IFT88: variants seen among roughly 807,000 people sequenced by gnomAD.
IFT88 encodes intraflagellar transport protein 88 homolog.
IFT88 carries 74 observed loss-of-function variants against 119.5 expected under a neutral mutation model. The ratio of observed to expected loss-of-function variants is 0.62; its 90% CI spans 0.51 to 0.75. IFT88 has a LOEUF of 0.75. IFT88 is among the 30% of genes least tolerant of loss of function. The pLI, the probability that IFT88 is intolerant of heterozygous loss-of-function variation, is 0.00. For synonymous variants in IFT88, 279 were observed against 316.7 expected, an observed-to-expected ratio of 0.88 and a Z score of 1.26; for missense variants, 961 against 977.7, an observed-to-expected ratio of 0.98 and a Z score of 0.23.
chr13:20,589,611 A>G (rs1158963218), intron 3 of IFT88, among the ~76,000 whole-genome samples, 200 bp from the exon 4 acceptor site: 2 of 152,182 alleles, frequency 1.3e-5, no homozygotes, highest in African/African-American at 4.8e-5. Context: ...CTCCTTTAAA[A>G]TGAATTCCAG....
chr13:20,567,600 T>G, intron 1 of IFT88: 2 of 353,644 alleles, frequency 5.7e-6, no homozygotes, highest in Non-Finnish European at 8.1e-6. Context: ...AAAACCCAGT[T>G]AGATTACTGC....
intron 20 of IFT88, among the ~76,000 whole-genome samples, chr13:20,648,059 A>AAAGC (rs930604740): frequency 6.6e-6 from 1 of 152,156 alleles, no homozygotes; most frequent in African/African-American, 2.4e-5. Flanking sequence ...CTGAAATTTA[A>AAAGC]AAGCAAACAA....
At chr13:20,607,159 C>T (rs1045486669) in intron 13 of IFT88, 14 of 403,836 alleles carry the variant, frequency 3.5e-5, no homozygotes, top group Non-Finnish European at 6.0e-5. Context: ...TGGTACTGTA[C>T]GTGGGGCTCC....
intron 23 of IFT88, among the ~76,000 whole-genome samples, chr13:20,664,902 A>C (rs534198871): frequency 5.3e-5 from 8 of 151,992 alleles, no homozygotes; most frequent in Non-Finnish European, 1.2e-4. Flanking sequence ...ACACACTGAA[A>C]CTCTGTCTCT....
At chr13:20,622,299 G>A (rs1033766134) in intron 14 of IFT88, among the ~76,000 whole-genome samples, 3 of 152,202 alleles carry the variant, frequency 2.0e-5, no homozygotes, top group Admixed American at 6.5e-5. Flanking sequence ...CATCCATTGT[G>A]TAGGTTTTTG....
intron 2 of IFT88, among the ~76,000 whole-genome samples, chr13:20,581,626 A>G (rs2038669530): frequency 6.6e-6 from 1 of 152,122 alleles, no homozygotes; most frequent in Non-Finnish European, 1.5e-5. Context: ...TAGGAGGCTC[A>G]GGGGTGGATC....
In IFT88 at chr13:20,628,241, A is replaced by G. The variant is rs190064592; in HGVS notation, c.1299+2392A>G. Among the ~76,000 whole-genome samples, 22 of 152,222 alleles carry G rather than the reference A, an allele frequency of 1.4e-4. No individual in the cohort carries two copies. In the East Asian group the frequency reaches 3.5e-3, roughly 24 times the overall value. On this transcript the variant is annotated intron_variant, in intron 15 of 25. Coordinates refer to ENST00000351808, the MANE Select transcript of IFT88 (RefSeq NM_006531.5). Reference sequence around the variant, plus strand: ...GAAAAAGATGCTGAAATCACAGAGTATGGGTCTTTTTGATAATGATGGTGT... The same window carrying G: ...GAAAAAGATGCTGAAATCACAGAGTGTGGGTCTTTTTGATAATGATGGTGT...
Position 20,601,854 on chromosome 13 carries a change from G to A in IFT88, c.962G>A (p.Arg321Gln), listed in dbSNP as rs775253163. The A allele has an allele frequency of 5.6e-6, 9 of 1,612,794 alleles. No homozygotes were observed. The highest frequency in any genetic ancestry group is 4.4e-5 in the South Asian group (4 of 91,024). ...LTICYFAIGD[R>Q]EKMKKAFQKL... is the part of the protein sequence containing the mutation. ...ATCTGTTATTTTGCTATTGGAGACCGAGAAAAAATGAAGAAGGCATTCCAA... is the reference window on the plus strand; with the variant it reads ...ATCTGTTATTTTGCTATTGGAGACCAAGAAAAAATGAAGAAGGCATTCCAA... The change falls in exon 12 of 26, where the codon CGA (arginine) becomes CAA (glutamine). Residue 321 changes from arginine (R) to glutamine (Q), a missense_variant. Arg to Gln is a conservative substitution (Grantham distance 43, BLOSUM62 1). Coordinates refer to ENST00000351808, the MANE Select transcript of IFT88 (RefSeq NM_006531.5).
At chr13:20,588,735 T>G (rs1376821570) in intron 3 of IFT88, among the ~76,000 whole-genome samples, 1 of 152,236 alleles carries the variant, frequency 6.6e-6, no homozygotes, top group Non-Finnish European at 1.5e-5. Context: ...GATCTTATCT[T>G]TCACTGGAGA....
At chr13:20,591,710 T>G (rs969468505) in intron 6 of IFT88, 29 bp downstream of exon 6, 11 of 1,446,328 alleles carry the variant, frequency 7.6e-6, no homozygotes, top group Non-Finnish European at 1.1e-5. Context: ...ACTAATAATC[T>G]TTTTTGGATC....
intron 24 of IFT88, among the ~76,000 whole-genome samples, chr13:20,682,030 A>C (rs1398509540): frequency 1.3e-5 from 2 of 152,268 alleles, no homozygotes; most frequent in Non-Finnish European, 2.9e-5. Flanking sequence ...TATCAAGAAC[A>C]CCTACGAAAT....
chr13:20,590,223 C>T (rs1241921452), intron 4 of IFT88, among the ~76,000 whole-genome samples: 1 of 152,054 alleles, frequency 6.6e-6, no homozygotes, highest in Non-Finnish European at 1.5e-5. Context: ...GAAACATTTA[C>T]TAATTAACAA....
Position 20,592,330 on chromosome 13 carries a change from C to T in IFT88, c.329-5C>T, listed in dbSNP as rs749116069. 1 of 1,606,158 alleles carries T rather than the reference C, an allele frequency of 6.2e-7. No homozygotes were observed. The highest frequency in any genetic ancestry group is 1.7e-5 in the Admixed American group (1 of 58,128). ...TTGAATATTAACTCTTGAATTGTGTCTCAGGCTCTGCATTTGACCCCCTTA... is the reference window on the plus strand; with the variant it reads ...TTGAATATTAACTCTTGAATTGTGTTTCAGGCTCTGCATTTGACCCCCTTA... On this transcript the variant is annotated splice_region_variant and splice_polypyrimidine_tract_variant and intron_variant, in intron 6 of 25. Transcript: ENST00000351808.
At chr13:20,613,115 T>C (rs929926387) in intron 13 of IFT88, among the ~76,000 whole-genome samples, 2 of 152,190 alleles carry the variant, frequency 1.3e-5, no homozygotes, top group Admixed American at 6.5e-5. Context: ...TAAAAACTTA[T>C]GTACTTCAGA....
chr13:20,646,578 A>G (rs2050790457), intron 20 of IFT88, among the ~76,000 whole-genome samples: 1 of 152,096 alleles, frequency 6.6e-6, no homozygotes, highest in African/African-American at 2.4e-5. Context: ...TCAGCCTCCC[A>G]AAGTGCTGGG....
chr13:20,654,291 T>G (rs550536824), intron 21 of IFT88, among the ~76,000 whole-genome samples: 1 of 152,348 alleles, frequency 6.6e-6, no homozygotes, highest in East Asian at 1.9e-4. Context: ...CGGCCAAATT[T>G]ATGACACTTG....
intron 9 of IFT88, among the ~76,000 whole-genome samples, chr13:20,597,571 C>T (rs2041890755): frequency 6.6e-6 from 1 of 151,878 alleles, no homozygotes; most frequent in Non-Finnish European, 1.5e-5. Flanking sequence ...GGTGAAACCC[C>T]ATCTCTACTA....
intron 2 of IFT88, among the ~76,000 whole-genome samples, chr13:20,580,252 T>C (rs951298993): frequency 6.6e-6 from 1 of 152,206 alleles, no homozygotes; most frequent in Admixed American, 6.5e-5. Flanking sequence ...ACGCGGGGAC[T>C]CACACCTATA....
At chr13:20,688,057 C>T (rs967839396) in intron 24 of IFT88, among the ~76,000 whole-genome samples, 10 of 152,182 alleles carry the variant, frequency 6.6e-5, no homozygotes, top group Admixed American at 3.3e-4. Flanking sequence ...CCACTCTGGC[C>T]GGGCACGGTG....
Sources: gnomAD v4.1 joint callset for allele counts (sites outside exome capture counted in the v4.1 genomes callset) on GRCh38, gnomAD v4.1.1 for gene constraint, MANE v1.5 for transcripts, NCBI Gene and HGNC (gene_info 2026-07-23, HGNC 2026-07-21) for gene names.